The following ARHGAP10 variants were observed in gnomAD, a reference collection of about 807,000 sequenced individuals.
ARHGAP10 encodes rho GTPase-activating protein 10.
Under a neutral mutation model 108.6 loss-of-function variants are expected in ARHGAP10, and 87 were observed. The ratio of observed to expected loss-of-function variants is 0.80; its 90% CI spans 0.67 to 0.96. The LOEUF is 0.96. Ranked by LOEUF, ARHGAP10 falls within the 40% of genes least tolerant of loss-of-function variation. ARHGAP10 has a pLI of 0.00. For synonymous variants in ARHGAP10, 347 were observed against 341.1 expected (o/e 1.02, Z -0.19); for missense variants, 939 against 954.5 (o/e 0.98, Z 0.21).
At chr4:147,754,128 G>A (rs1281352677) in intron 1 of ARHGAP10, among the ~76,000 whole-genome samples, 1 of 152,192 alleles carries the variant, frequency 6.6e-6, no homozygotes, top group African/African-American at 2.4e-5. Context: ...CACTGAGTCA[G>A]TACCCATCTG....
chr4:147,977,407 G>A (rs1739636717), intron 18 of ARHGAP10, among the ~76,000 whole-genome samples: 1 of 152,066 alleles, frequency 6.6e-6, no homozygotes, highest in African/African-American at 2.4e-5. Context: ...TGCTCACTAT[G>A]TATTTTTTCT....
chr4:147,770,470 A>G (rs1382414915), intron 1 of ARHGAP10, among the ~76,000 whole-genome samples: 1 of 152,196 alleles, frequency 6.6e-6, no homozygotes, highest in Non-Finnish European at 1.5e-5. Context: ...GATTGCAGTG[A>G]GCTGAGATTG....
At chr4:147,808,649 A>G (rs1731883162) in intron 1 of ARHGAP10, among the ~76,000 whole-genome samples, 1 of 152,122 alleles carries the variant, frequency 6.6e-6, no homozygotes, top group Admixed American at 6.6e-5. Context: ...TGTAGAGTGA[A>G]TGTGTAGGGG....
intron 19 of ARHGAP10, among the ~76,000 whole-genome samples, chr4:148,033,678 G>A (rs1487433290): frequency 6.6e-6 from 1 of 152,152 alleles, no homozygotes; most frequent in African/African-American, 2.4e-5. Context: ...AGCAAGCTGT[G>A]TTTCATACTA....
chr4:147,894,894 G>A (rs1284302287), intron 10 of ARHGAP10, among the ~76,000 whole-genome samples: 2 of 152,006 alleles, frequency 1.3e-5, no homozygotes, highest in Non-Finnish European at 2.9e-5. Flanking sequence ...CTGTTCTTTT[G>A]CCAGTAACAC....
At chr4:147,866,477 C>T (rs528774581) in intron 6 of ARHGAP10, 6 of 417,448 alleles carry the variant, frequency 1.4e-5, no homozygotes, top group East Asian at 8.2e-5. Context: ...CAGAACATGC[C>T]ATATAAGCTG....
At chr4:147,899,262 G>T (rs143176775) in intron 10 of ARHGAP10, among the ~76,000 whole-genome samples, 8 of 152,122 alleles carry the variant, frequency 5.3e-5, no homozygotes, top group Non-Finnish European at 1.2e-4. Flanking sequence ...TGTCTGTGAT[G>T]GTTTCCTCTT....
chr4:147,992,824 T>C (rs1473311620), intron 18 of ARHGAP10, among the ~76,000 whole-genome samples: 1 of 152,190 alleles, frequency 6.6e-6, no homozygotes, highest in Non-Finnish European at 1.5e-5. Context: ...CCATGGAAGG[T>C]ATGAGCTTGT....
intron 1 of ARHGAP10, among the ~76,000 whole-genome samples, chr4:147,784,113 AATTT>A (rs1730698265): frequency 7.3e-6 from 1 of 136,252 alleles, no homozygotes; most frequent in Non-Finnish European, 1.5e-5. Flanking sequence ...TGTATTATAT[AATTT>A]ACATAACATT....
chr4:147,946,324 C>T (rs1210096926), intron 14 of ARHGAP10: 3 of 313,216 alleles, frequency 9.6e-6, no homozygotes, highest in Admixed American at 9.7e-5. Context: ...AATAGCTATA[C>T]ATGAATTACA....
chr4:147,946,874 A>T (rs1560839451), intron 15 of ARHGAP10, among the ~76,000 whole-genome samples, 170 bp downstream of exon 15: 2 of 152,256 alleles, frequency 1.3e-5, no homozygotes, highest in Non-Finnish European at 2.9e-5. Flanking sequence ...TAGTAGATGC[A>T]CATCAGTAAT....
At chr4:147,966,918 C>CTT in intron 18 of ARHGAP10, 79 bp downstream of exon 18, 1 of 1,234,848 alleles carries the variant, frequency 8.1e-7, no homozygotes. Flanking sequence ...TTAGATTTCC[C>CTT]TTTTCTCTCT....
rs747958355 is a variant in ARHGAP10, at chr4:148,047,053, T to TATAC, written c.2027+3_2027+4insTACA. 99 of 1,613,852 alleles carry TATAC rather than the reference T, an allele frequency of 6.1e-5. No individual in the cohort carries two copies. The highest frequency in any genetic ancestry group is 4.1e-5 in the Non-Finnish European group (48 of 1,179,958). ...CTTTGGAGACTGGGCATCCACTATG[T>TATAC]AAGTAACCGTGCTTCTGTTGGGTGC... is the stretch of plus-strand genomic sequence containing the variant. On this transcript the variant is annotated splice_region_variant and intron_variant, in intron 20 of 22. Coordinates refer to ENST00000336498, the MANE Select transcript of ARHGAP10 (RefSeq NM_024605.4).
Position 147,732,111 on chromosome 4 carries a change from C to A in ARHGAP10, c.-191C>A. 4 of 396,204 alleles carry A rather than the reference C, an allele frequency of 1.0e-5. No homozygotes were observed. The South Asian group carries it at 4.6e-4, about 45-fold the overall frequency. 24.5% of individuals were successfully genotyped at this position (396,204 alleles called of 1,614,324 possible). On this transcript the variant is annotated 5_prime_UTR_variant, in exon 1 of 23. Transcript: ENST00000336498. The stretch of plus-strand genomic sequence containing the variant: ...TTGGGGCGCCGCAGCTAGCGCTGGT[C>A]TCGGTGGCAGCTCCTCCGCGCCGCA...
At chr4:147,906,744 T>G in intron 11 of ARHGAP10, 25 bp downstream of exon 11, 1 of 1,612,702 alleles carries the variant, frequency 6.2e-7, no homozygotes, top group South Asian at 1.1e-5. Flanking sequence ...TGGTTGAGTT[T>G]TATTTCAAAG....
At position 148,064,441 on chromosome 4, in the gene ARHGAP10, G is replaced by A. The variant is rs146780598; in HGVS notation, c.2206G>A (p.Val736Met). Residue 736 changes from valine (V) to methionine (M), a missense_variant, in exon 22 of 23, where the codon GTG (valine) becomes ATG (methionine). Transcript: ENST00000336498. Reference protein sequence around the residue: ...ESIRSRKARAVYPCEAEHSSE... With the variant: ...ESIRSRKARAMYPCEAEHSSE... ...CATCCGCAGTCGGAAGGCTCGAGCC[G>A]TGTATCCGTGTGAAGCAGAACACAG... is the stretch of plus-strand genomic sequence containing the variant. 1,836 of 1,614,068 alleles carry A rather than the reference G, an allele frequency of 1.1e-3. No individual in the cohort carries two copies. Among genetic ancestry groups the A allele is most frequent in the Non-Finnish European group, 1.5e-3 (1,713 of 1,180,000 alleles).
chr4:147,882,630 T>C (rs977702958), intron 10 of ARHGAP10, among the ~76,000 whole-genome samples: 1 of 152,154 alleles, frequency 6.6e-6, no homozygotes, highest in African/African-American at 2.4e-5. Context: ...GGGTTTTCAG[T>C]GTCTACATCC....
At chr4:147,778,322 C>T (rs1252208459) in intron 1 of ARHGAP10, among the ~76,000 whole-genome samples, 1 of 151,970 alleles carries the variant, frequency 6.6e-6, no homozygotes, top group East Asian at 1.9e-4. Flanking sequence ...GGGGGTTATT[C>T]TGGGAAAACA....
intron 18 of ARHGAP10, among the ~76,000 whole-genome samples, chr4:148,010,870 G>A (rs761476452): frequency 5.3e-5 from 8 of 152,098 alleles, no homozygotes; most frequent in South Asian, 2.1e-4. Flanking sequence ...ATACTTCCCC[G>A]TTGTCAAATG....
Sources: gnomAD v4.1 joint callset for allele counts (sites outside exome capture counted in the v4.1 genomes callset) on GRCh38, gnomAD v4.1.1 for gene constraint, MANE v1.5 for transcripts, NCBI Gene and HGNC (gene_info 2026-07-23, HGNC 2026-07-21) for gene names.